The following CDC25C variants were observed in gnomAD, a reference collection of about 807,000 sequenced individuals.
The protein encoded by CDC25C is cell division cycle 25C, also known as M-phase inducer phosphatase 3.
A neutral mutation model predicts 52.5 loss-of-function variants in CDC25C; 48 were observed. The ratio of observed to expected loss-of-function variants is 0.91; its 90% CI spans 0.72 to 1.16. The LOEUF is 1.16. CDC25C is among the 50% of genes most tolerant of loss of function. The probability of loss-of-function intolerance (pLI) is 0.00; values close to 1 mark genes in which losing one functional copy is unlikely to be tolerated. For missense variants in CDC25C, 510 were observed against 566.1 expected (o/e 0.90, Z 1.01); for synonymous variants, 187 against 206.5 (o/e 0.91, Z 0.81).
Position 138,289,559 on chromosome 5 carries a change from C to A in CDC25C, c.869G>T (p.Cys290Phe). 6.2e-7 allele frequency: 1 copy of A among 1,612,900 alleles called. No individual in the cohort carries two copies. Among genetic ancestry groups the A allele is most frequent in the South Asian group, 1.1e-5 (1 of 91,052 alleles). Residue 290 changes from cysteine to phenylalanine, a missense_variant, in exon 10 of 14, where the codon TGT becomes TTT. Coordinates refer to ENST00000323760, the MANE Select transcript of CDC25C (RefSeq NM_001790.5). ...TTTCCCTGACACGGTTGGCAGCGCACATACCTAGAAATACACAAGAGCTGA... is the reference window on the plus strand; with the variant it reads ...TTTCCCTGACACGGTTGGCAGCGCAAATACCTAGAAATACACAAGAGCTGA... ...GHLIGDFSKV[C>F]ALPTVSGKHQ... is the part of the protein sequence containing the mutation.
chr5:138,289,622 A>G, intron 9 of CDC25C, 59 bp from the exon 10 acceptor site: 1 of 1,379,968 alleles, frequency 7.2e-7, no homozygotes, highest in Non-Finnish European at 1.0e-6. Context: ...TTTGAGATCA[A>G]AGACCCTTAT....
intron 1 of CDC25C, chr5:138,337,813 C>T (rs1353134123): frequency 4.3e-6 from 2 of 466,164 alleles, no homozygotes; most frequent in Non-Finnish European, 3.7e-6. Flanking sequence ...AGGGGGATTC[C>T]TTCGAAGAGG....
rs1336899465 is a variant in CDC25C, at chr5:138,338,134, G to A, written c.-166C>T. The stretch of plus-strand genomic sequence containing the variant: ...CCGAGAGACACTTTGAGAGAGACAC[G>A]ACACGGAGCTGCGCCCTCCATGGGT... On this transcript the variant is annotated 5_prime_UTR_variant, in exon 1 of 6. Coordinates refer to the CDC25C transcript ENST00000510119. The A allele has an allele frequency of 5.4e-6, 7 of 1,289,708 alleles. No homozygotes were observed. The African/African-American group carries it at 9.1e-5, about 17-fold the overall frequency. 79.9% of individuals were successfully genotyped at this position (1,289,708 alleles called of 1,614,324 possible).
rs747809133 is a variant in CDC25C, at chr5:138,287,239, T to C, written c.956A>G (p.Gln319Arg). The change falls in exon 11 of 14, where the codon CAG (glutamine) becomes CGG (arginine). Residue 319 changes from glutamine (Q) to arginine (R), a missense_variant. Physicochemically the swap from Gln to Arg is conservative, Grantham distance 43. Coordinates refer to ENST00000323760, the MANE Select transcript of CDC25C (RefSeq NM_001790.5). Reference sequence around the variant, plus strand: ...GACATAAAACTTCTCAATCAGACCCTGGAACTTCCCCGACAGTAAGGCAGC... The same window carrying C: ...GACATAAAACTTCTCAATCAGACCCCGGAACTTCCCCGACAGTAAGGCAGC... ...TVAALLSGKF[Q>R]GLIEKFYVID... 6 of 1,613,958 alleles carry C rather than the reference T, an allele frequency of 3.7e-6. No individual in the cohort carries two copies. The highest frequency in any genetic ancestry group is 1.1e-5 in the South Asian group (1 of 91,072).
intron 11 of CDC25C, 109 bp from the exon 12 acceptor site, chr5:138,286,739 G>T: frequency 1.0e-6 from 1 of 1,000,164 alleles, no homozygotes. Flanking sequence ...AGAAAAGCTG[G>T]ACTATAAGCA....
intron 7 of CDC25C, among the ~76,000 whole-genome samples, chr5:138,302,437 T>C (rs988667064): frequency 6.6e-6 from 1 of 151,436 alleles, no homozygotes; most frequent in Admixed American, 6.6e-5. Flanking sequence ...CAGTGGCTCA[T>C]ACCTGTAATC....
Position 138,288,291 on chromosome 5 carries a change from T to G in CDC25C, c.928-1024A>C, listed in dbSNP as rs11568002. 7.9e-5 allele frequency among the ~76,000 whole-genome samples: 12 copies of G among 152,246 alleles called. No homozygotes were observed. In the East Asian group the frequency reaches 2.3e-3, roughly 30 times the overall value. ...GGTTTCTCCATGTTGGTCAGACTCG[T>G]CTCGAACTCCCAACCTCAGGTGATT... On this transcript the variant is annotated intron_variant, in intron 10 of 13. Transcript: ENST00000323760.
At chr5:138,326,673 G>A (rs950890886) in intron 4 of CDC25C, among the ~76,000 whole-genome samples, 2 of 152,130 alleles carry the variant, frequency 1.3e-5, no homozygotes, top group Admixed American at 1.3e-4. Context: ...TTAATTTCTG[G>A]CGGGGCGCTG....
upstream of CDC25C, among the ~76,000 whole-genome samples, chr5:138,332,454 G>T (rs1580834206): frequency 6.6e-6 from 1 of 152,272 alleles, no homozygotes; most frequent in South Asian, 2.1e-4. Context: ...TGGGTAAAAA[G>T]AAATTCCGTT....
In CDC25C at chr5:138,286,489, ACACT is replaced by A. The variant is rs1756243154; in HGVS notation, c.1160+4_1160+7del. ...CCATCACCCGCCAGACCCCATTTAG[ACACT>A]CACATTCGGGGGCCCCTCTCTGAGG... On this transcript the variant is annotated splice_donor_5th_base_variant and intron_variant, in intron 12 of 13. Transcript: ENST00000323760. 2 of 1,608,538 alleles carry A rather than the reference ACACT, an allele frequency of 1.2e-6. No homozygotes were observed. The highest frequency in any genetic ancestry group is 4.5e-5 in the East Asian group (2 of 44,776).
chr5:138,320,766 A>C (rs1759303069), intron 6 of CDC25C, among the ~76,000 whole-genome samples: 1 of 151,792 alleles, frequency 6.6e-6, no homozygotes, highest in South Asian at 2.1e-4. Flanking sequence ...ATACAAAAAA[A>C]TTCACCAGGC....
chr5:138,330,461 G>C (rs1182285141), intron 2 of CDC25C, among the ~76,000 whole-genome samples: 1 of 152,152 alleles, frequency 6.6e-6, no homozygotes, highest in Non-Finnish European at 1.5e-5. Context: ...CACATCATTT[G>C]ATTCTCACAA....
At chr5:138,319,623 G>T (rs554655145) in intron 6 of CDC25C, among the ~76,000 whole-genome samples, 3 of 152,130 alleles carry the variant, frequency 2.0e-5, no homozygotes, top group Non-Finnish European at 4.4e-5. Context: ...CACAAAATGG[G>T]AGAAAACATT....
At chr5:138,321,891 G>A (rs1252994824) in intron 6 of CDC25C, among the ~76,000 whole-genome samples, 1 of 151,664 alleles carries the variant, frequency 6.6e-6, no homozygotes, top group African/African-American at 2.4e-5. Flanking sequence ...TCTATGAAAG[G>A]CAAGTCAATG....
At chr5:138,287,823 TTAAG>T (rs1053590990) in intron 10 of CDC25C, among the ~76,000 whole-genome samples, 86 of 152,302 alleles carry the variant, frequency 5.6e-4, no homozygotes, top group African/African-American at 2.0e-3. Flanking sequence ...TTCTAACATC[TTAAG>T]TAAACAGGAA....
At chr5:138,318,295 A>G (rs889340699) in intron 7 of CDC25C, among the ~76,000 whole-genome samples, 3 of 152,214 alleles carry the variant, frequency 2.0e-5, no homozygotes, top group African/African-American at 7.2e-5. Flanking sequence ...CCTAGGTGAC[A>G]CAGCAAGACT....
chr5:138,289,558 A>G lies in CDC25C; in HGVS notation c.870T>C (p.Cys290=). 1 of 1,613,052 alleles carries G rather than the reference A, an allele frequency of 6.2e-7. No individual in the cohort carries two copies. Among genetic ancestry groups the G allele is most frequent in the Non-Finnish European group, 8.5e-7 (1 of 1,178,992 alleles). ...GHLIGDFSKV[C]ALPTVSGKHQ... is the part of the protein sequence containing the mutation. The stretch of plus-strand genomic sequence containing the variant: ...GTTTCCCTGACACGGTTGGCAGCGC[A>G]CATACCTAGAAATACACAAGAGCTG... Residue 290 remains cysteine (C), a synonymous_variant, in exon 10 of 14, where the codon TGT becomes TGC. Coordinates refer to ENST00000323760, the MANE Select transcript of CDC25C (RefSeq NM_001790.5).
rs35152436 is a variant in CDC25C at position 138,296,608 on chromosome 5, A to ATT, written c.616-4494_616-4493dup. Among the ~76,000 whole-genome samples, 227 of 135,596 alleles carry ATT rather than the reference A, an allele frequency of 1.7e-3. 1 individual carries two copies. In the Middle Eastern group the frequency reaches 0.019, roughly 11 times the overall value. 89.0% of individuals were successfully genotyped at this position (135,596 alleles called of 152,430 possible). On this transcript the variant is annotated intron_variant, in intron 7 of 13. Coordinates refer to ENST00000323760, the MANE Select transcript of CDC25C (RefSeq NM_001790.5). Reference sequence around the variant, plus strand: ...TATTTTTATTTTATTATTATTAATTATTTTTTTTTTTTTTTGAGACAGAGT... The same window carrying ATT: ...TATTTTTATTTTATTATTATTAATTATTTTTTTTTTTTTTTTTGAGACAGAGT...
chr5:138,301,877 T>C (rs947379940), intron 7 of CDC25C, among the ~76,000 whole-genome samples: 2 of 151,684 alleles, frequency 1.3e-5, no homozygotes, highest in Non-Finnish European at 2.9e-5. Context: ...CTAATTTTTG[T>C]ATTTTTAGTA....
Sources: gnomAD v4.1 joint callset for allele counts (sites outside exome capture counted in the v4.1 genomes callset) on GRCh38, gnomAD v4.1.1 for gene constraint, MANE v1.5 for transcripts, NCBI Gene and HGNC (gene_info 2026-07-23, HGNC 2026-07-21) for gene names.